MOB3B: variants seen among roughly 807,000 people sequenced by gnomAD.
MOB3B encodes the protein MOB kinase activator 3B, also known as MOB kinase activator-like 2B.
In MOB3B, 7 loss-of-function variants were observed where a neutral mutation model predicts 18.7. That is an observed-to-expected ratio of 0.37 (90% CI 0.21 to 0.70). The LOEUF (loss-of-function observed/expected upper bound fraction) is 0.70. Ranked by LOEUF, MOB3B falls within the 30% of genes least tolerant of loss-of-function variation. The pLI is 0.52. For synonymous variants in MOB3B, 111 were observed against 99.9 expected (o/e 1.11, Z -0.66); for missense variants, 253 against 281.3 (o/e 0.90, Z 0.72).
At chr9:27,463,698 C>T (rs1479334340) in intron 1 of MOB3B, among the ~76,000 whole-genome samples, 1 of 152,158 alleles carries the variant, frequency 6.6e-6, no homozygotes, top group African/African-American at 2.4e-5. Context: ...CAGTGACTCA[C>T]GTCTGTAATC....
At chr9:27,498,810 T>G (rs997146239) in intron 1 of MOB3B, among the ~76,000 whole-genome samples, 2 of 152,220 alleles carry the variant, frequency 1.3e-5, no homozygotes, top group Non-Finnish European at 2.9e-5. Context: ...TTATGATTCT[T>G]TAAGCGTAAT....
intron 2 of MOB3B, among the ~76,000 whole-genome samples, chr9:27,427,884 C>T (rs913071749): frequency 6.6e-6 from 1 of 152,086 alleles, no homozygotes; most frequent in Non-Finnish European, 1.5e-5. Flanking sequence ...TCCAGCAGTC[C>T]CTCCAACCAA....
intron 1 of MOB3B, among the ~76,000 whole-genome samples, chr9:27,502,906 C>T (rs1247066499): frequency 5.3e-5 from 8 of 152,204 alleles, no homozygotes; most frequent in Non-Finnish European, 1.0e-4. Context: ...AACATGGTGT[C>T]AGCCCTTTGT....
intron 2 of MOB3B, among the ~76,000 whole-genome samples, chr9:27,446,424 A>G (rs1262621891): frequency 2.0e-5 from 3 of 152,180 alleles, no homozygotes; most frequent in Non-Finnish European, 2.9e-5. Context: ...CTAAAGTTCT[A>G]TTAGAGACTC....
intron 1 of MOB3B, among the ~76,000 whole-genome samples, chr9:27,467,485 C>T (rs1752348691): frequency 6.6e-6 from 1 of 152,218 alleles, no homozygotes; most frequent in African/African-American, 2.4e-5. Flanking sequence ...CTTTCTTTGA[C>T]TTCTTCCCCA....
intron 2 of MOB3B, among the ~76,000 whole-genome samples, chr9:27,440,884 A>G (rs1822584922): frequency 6.6e-6 from 1 of 152,152 alleles, no homozygotes. Flanking sequence ...TTTGGCACCA[A>G]GGATCAGTTT....
chr9:27,387,947 C>A (rs1821670466), intron 2 of MOB3B, among the ~76,000 whole-genome samples: 2 of 151,766 alleles, frequency 1.3e-5, no homozygotes. Flanking sequence ...ATTTTGCCCC[C>A]CACAGGCAAC....
chr9:27,342,727 C>T (rs531140825), intron 3 of MOB3B, among the ~76,000 whole-genome samples: 4 of 152,258 alleles, frequency 2.6e-5, no homozygotes, highest in South Asian at 2.1e-4. Flanking sequence ...CTCGGCCTCC[C>T]GAGGTGCCGG....
At chr9:27,455,777 T>C in intron 1 of MOB3B, 29 bp from the exon 2 acceptor site, 1 of 1,411,590 alleles carries the variant, frequency 7.1e-7, no homozygotes, top group Non-Finnish European at 9.2e-7. Context: ...AGGGAACACA[T>C]GAGTGCCCAG....
At chr9:27,433,389 A>T (rs1411720) in intron 2 of MOB3B, among the ~76,000 whole-genome samples, 54,533 of 151,984 alleles carry the variant, frequency 0.36, 9,943 homozygotes, top group Non-Finnish European at 0.37. Flanking sequence ...TTTTAAACTG[A>T]GAAGCAGCCA....
At chr9:27,379,376 G>A (rs1301030274) in intron 2 of MOB3B, among the ~76,000 whole-genome samples, 1 of 152,168 alleles carries the variant, frequency 6.6e-6, no homozygotes. Context: ...ACAGCTAGCT[G>A]TGGGGTGACA....
chr9:27,460,244 G>C (rs1427501596), intron 1 of MOB3B, among the ~76,000 whole-genome samples: 2 of 152,144 alleles, frequency 1.3e-5, no homozygotes, highest in African/African-American at 4.8e-5. Flanking sequence ...GACAATAAAG[G>C]GTGAGGTCTT....
rs143115775 is a variant in MOB3B at position 27,326,518 on chromosome 9, A to C, written c.*4069T>G. On this transcript the variant is annotated 3_prime_UTR_variant, in exon 4 of 4. Transcript: ENST00000262244. ...GAATTCAAGATGTTGTGGAGGGTTC[A>C]GTGGGTTGGTTATACCAAAGAATGC... The C allele has an allele frequency of 2.8e-5, 11 of 398,592 alleles. No individual in the cohort carries two copies. In the East Asian group the frequency reaches 3.9e-4, roughly 14 times the overall value. 24.7% of individuals were successfully genotyped at this position (398,592 alleles called of 1,614,324 possible). A position where few individuals can be genotyped will look rare whatever the true frequency, so the allele number is the denominator to read the frequency against.
At chr9:27,357,122 A>ATATATATATATATATATATATGTATATG (rs1821200699) in intron 3 of MOB3B, among the ~76,000 whole-genome samples, 1 of 42,878 alleles carries the variant, frequency 2.3e-5, no homozygotes, top group East Asian at 5.4e-4. Flanking sequence ...AGTAATGCAA[A>ATATATATATATATATATATATGTATATG]TATATATATA....
At chr9:27,412,735 G>A (rs1413805156) in intron 2 of MOB3B, among the ~76,000 whole-genome samples, 1 of 152,222 alleles carries the variant, frequency 6.6e-6, no homozygotes, top group Non-Finnish European at 1.5e-5. Context: ...TGAAAATGAA[G>A]GCGACTCCAG....
intron 1 of MOB3B, among the ~76,000 whole-genome samples, chr9:27,502,731 G>T (rs1211450646): frequency 6.6e-6 from 1 of 152,218 alleles, no homozygotes; most frequent in African/African-American, 2.4e-5. Context: ...CAGATGAAAA[G>T]CTTTTGTCAT....
At chr9:27,527,773 C>A (rs1321658027) in intron 1 of MOB3B, among the ~76,000 whole-genome samples, 1 of 152,220 alleles carries the variant, frequency 6.6e-6, no homozygotes, top group Non-Finnish European at 1.5e-5. Flanking sequence ...CAGTCAGCCT[C>A]CCCTCAGAGG....
chr9:27,496,243 C>G (rs1587257863), intron 1 of MOB3B, among the ~76,000 whole-genome samples: 5 of 152,278 alleles, frequency 3.3e-5, no homozygotes, highest in Admixed American at 3.3e-4. Context: ...TTAAGTTTGC[C>G]AAGTAAACCA....
intron 2 of MOB3B, among the ~76,000 whole-genome samples, chr9:27,396,541 G>C (rs1277356334): frequency 6.6e-6 from 1 of 152,110 alleles, no homozygotes; most frequent in Non-Finnish European, 1.5e-5. Flanking sequence ...TATGTACCTT[G>C]TTTTTTCTTC....
Sources: gnomAD v4.1 joint callset for allele counts (sites outside exome capture counted in the v4.1 genomes callset) on GRCh38, gnomAD v4.1.1 for gene constraint, MANE v1.5 for transcripts, NCBI Gene and HGNC (gene_info 2026-07-23, HGNC 2026-07-21) for gene names.